CHST11: variants seen among roughly 807,000 people sequenced by gnomAD.
The protein encoded by CHST11 is carbohydrate sulfotransferase 11.
Under a neutral mutation model 30.4 loss-of-function variants are expected in CHST11, and 9 were observed. The observed-to-expected ratio is 0.30, with a 90% CI of 0.18 to 0.52. CHST11 has a LOEUF of 0.52. Among genes scored for constraint, CHST11 ranks in the 20% least tolerant of loss-of-function variants. The pLI is 0.97. For synonymous variants in CHST11, 152 were observed against 187.8 expected (o/e 0.81, Z 1.56); for missense variants, 348 against 460.6 (o/e 0.76, Z 2.24).
intron 1 of CHST11, among the ~76,000 whole-genome samples, chr12:104,561,544 T>A (rs1009080526): frequency 1.3e-5 from 2 of 152,198 alleles, no homozygotes; most frequent in African/African-American, 4.8e-5. Flanking sequence ...ACAAGTGAAG[T>A]CTCTGCCACA....
At chr12:104,666,020 A>G (rs924337632) in intron 2 of CHST11, among the ~76,000 whole-genome samples, 2 of 151,662 alleles carry the variant, frequency 1.3e-5, no homozygotes, top group East Asian at 1.9e-4. Context: ...GGGTTTCACC[A>G]TGTTGGCCAG....
intron 2 of CHST11, among the ~76,000 whole-genome samples, chr12:104,607,516 T>C (rs1239723077): frequency 6.6e-6 from 1 of 152,080 alleles, no homozygotes; most frequent in Non-Finnish European, 1.5e-5. Flanking sequence ...GAGTGAGTGG[T>C]TAGCCTCTGA....
rs4964810 is a variant in CHST11 at position 104,495,106 on chromosome 12, A to C, written c.118+37577A>C. 0.01 allele frequency among the ~76,000 whole-genome samples: 1,581 copies of C among 152,302 alleles called. 41 individuals are homozygous for C. The East Asian group carries it at 0.12, about 11-fold the overall frequency. On this transcript the variant is annotated intron_variant, in intron 1 of 2. Transcript: ENST00000303694. ...TTTTTGGGACTGGGTTATTTTGCTT[A>C]GCTTAATGTCCTCAGAGTTCGTCCA...
chr12:104,713,336 G>A (rs1239665934), intron 2 of CHST11, among the ~76,000 whole-genome samples: 1 of 152,092 alleles, frequency 6.6e-6, no homozygotes, highest in Non-Finnish European at 1.5e-5. Context: ...ACAGTGGATT[G>A]TAGGTGTATT....
intron 1 of CHST11, among the ~76,000 whole-genome samples, chr12:104,548,443 T>A (rs2038373812): frequency 6.6e-6 from 1 of 152,168 alleles, no homozygotes; most frequent in Admixed American, 6.5e-5. Context: ...AGTCAGTTCT[T>A]GTGAGTTGGT....
intron 2 of CHST11, among the ~76,000 whole-genome samples, chr12:104,615,208 C>T (rs1447144946): frequency 6.6e-6 from 1 of 152,190 alleles, no homozygotes; most frequent in Non-Finnish European, 1.5e-5. Flanking sequence ...GCAACATTCC[C>T]CTCTCTTCAT....
chr12:104,568,399 A>G (rs313319), intron 1 of CHST11, among the ~76,000 whole-genome samples: 89,732 of 151,962 alleles, frequency 0.59, 27,361 homozygotes, highest in African/African-American at 0.73. Flanking sequence ...ATGGGATGGG[A>G]ACAGAGGAGA....
rs547666623 is a variant in CHST11 at position 104,458,365 on chromosome 12, C to A, written c.118+836C>A. Among the ~76,000 whole-genome samples, 2 of 152,232 alleles carry A rather than the reference C, an allele frequency of 1.3e-5. No homozygotes were observed. Among genetic ancestry groups the A allele is most frequent in the Non-Finnish European group, 2.9e-5 (2 of 68,042 alleles). Reference sequence around the variant, plus strand: ...CTTCTGGGATCCGAGCAACGGGAATCCCCCGGGCGGCGTGGGAATGAACCC... The same window carrying A: ...CTTCTGGGATCCGAGCAACGGGAATACCCCGGGCGGCGTGGGAATGAACCC... On this transcript the variant is annotated intron_variant, in intron 1 of 2. Transcript: ENST00000303694. This position sits in a 1 kb window ranked among gnomAD's most constrained non-coding sequence, Gnocchi z 5.7.
At chr12:104,629,347 A>T (rs1206000372) in intron 2 of CHST11, among the ~76,000 whole-genome samples, 1 of 152,196 alleles carries the variant, frequency 6.6e-6, no homozygotes, top group Non-Finnish European at 1.5e-5. Flanking sequence ...TGAAGCTCAC[A>T]TGGTTGTTGG....
chr12:104,504,069 T>C (rs990590459), intron 1 of CHST11, among the ~76,000 whole-genome samples: 1 of 152,194 alleles, frequency 6.6e-6, no homozygotes, highest in Non-Finnish European at 1.5e-5. Context: ...GAACATTCCA[T>C]TGAGTTTTCT....
chr12:104,634,880 C>G (rs938751913), intron 2 of CHST11, among the ~76,000 whole-genome samples: 5 of 152,174 alleles, frequency 3.3e-5, no homozygotes, highest in African/African-American at 1.2e-4. Context: ...GCTCCATTTA[C>G]TCCTGGGGTT....
intron 2 of CHST11, among the ~76,000 whole-genome samples, chr12:104,610,578 C>A (rs1004999014): frequency 1.3e-5 from 2 of 152,210 alleles, no homozygotes; most frequent in African/African-American, 4.8e-5. Context: ...TTATAAGAGG[C>A]CTCCACATAA....
chr12:104,496,752 C>T (rs2037801614), intron 1 of CHST11, among the ~76,000 whole-genome samples: 1 of 150,926 alleles, frequency 6.6e-6, no homozygotes, highest in African/African-American at 2.4e-5. Flanking sequence ...TTAAACAAGA[C>T]AAAGAAAATA....
intron 1 of CHST11, among the ~76,000 whole-genome samples, chr12:104,564,278 C>G (rs2038540443): frequency 6.6e-6 from 1 of 152,218 alleles, no homozygotes; most frequent in Admixed American, 6.5e-5. Context: ...AGAGTCCAAA[C>G]ACTTGGGTGT....
At chr12:104,680,052 G>A (rs563959196) in intron 2 of CHST11, among the ~76,000 whole-genome samples, 3 of 152,258 alleles carry the variant, frequency 2.0e-5, no homozygotes, top group South Asian at 2.1e-4. Flanking sequence ...AGCATTCATC[G>A]ACTCACCAAG....
At chr12:104,586,844 T>G (rs865784402) in intron 1 of CHST11, among the ~76,000 whole-genome samples, 1 of 152,266 alleles carries the variant, frequency 6.6e-6, no homozygotes, top group Admixed American at 6.5e-5. Context: ...GTTGCAGTGC[T>G]GTCTCTCTTG....
At chr12:104,725,798 C>G (rs77236644) in intron 2 of CHST11, among the ~76,000 whole-genome samples, 5,360 of 151,966 alleles carry the variant, frequency 0.035, 359 homozygotes, top group African/African-American at 0.12. Context: ...TCTCACAGCC[C>G]CAGGTCAACC....
At chr12:104,698,091 A>G (rs1032488060) in intron 2 of CHST11, among the ~76,000 whole-genome samples, 2 of 152,060 alleles carry the variant, frequency 1.3e-5, no homozygotes, top group African/African-American at 4.8e-5. Flanking sequence ...CAGCATGTTT[A>G]TTTCATGCAG....
intron 2 of CHST11, among the ~76,000 whole-genome samples, chr12:104,743,381 TCTTG>T (rs534277521): frequency 1.3e-5 from 2 of 152,068 alleles, no homozygotes; most frequent in South Asian, 4.1e-4. Context: ...CTTGTCTTTC[TCTTG>T]CAGTTGCCCA....
Sources: gnomAD v4.1 joint callset for allele counts (sites outside exome capture counted in the v4.1 genomes callset) on GRCh38, gnomAD v4.1.1 for gene constraint, Gnocchi (gnomAD v3.1) non-coding constraint, MANE v1.5 for transcripts, NCBI Gene and HGNC (gene_info 2026-07-23, HGNC 2026-07-21) for gene names.